Variants in GLIS3 observed in about 807,000 individuals in gnomAD.
The protein encoded by GLIS3 is zinc finger protein GLIS3.
Under a neutral mutation model 78.6 loss-of-function variants are expected in GLIS3, and 53 were observed. The ratio of observed to expected loss-of-function variants is 0.67; its 90% CI spans 0.54 to 0.85. The LOEUF (loss-of-function observed/expected upper bound fraction) is 0.85. Among genes scored for constraint, GLIS3 ranks in the 40% least tolerant of loss-of-function variants. The pLI is 0.00. For missense variants in GLIS3, 1,703 were observed against 1,231.1 expected (o/e 1.38, Z -5.74); for synonymous variants, 684 against 509.9 (o/e 1.34, Z -4.60).
intron 2 of GLIS3, among the ~76,000 whole-genome samples, chr9:4,249,353 G>C (rs994241739): frequency 6.6e-6 from 1 of 152,100 alleles, no homozygotes; most frequent in Non-Finnish European, 1.5e-5. Context: ...TTCTAAGTTG[G>C]ATTCCTAGGT....
intron 6 of GLIS3, among the ~76,000 whole-genome samples, chr9:3,917,688 C>T (rs1436935667): frequency 6.6e-6 from 1 of 151,838 alleles, no homozygotes; most frequent in Non-Finnish European, 1.5e-5. Flanking sequence ...TTCCCCAGGG[C>T]CCCACTGAAA....
the GLIS3 span, among the ~76,000 whole-genome samples, chr9:4,383,220 T>C: frequency 1.3e-4 from 20 of 152,210 alleles, no homozygotes; most frequent in Non-Finnish European, 2.5e-4. Context: ...TAACATTCTG[T>C]AGAACAAGTT....
chr9:4,238,374 C>G lies in GLIS3; in HGVS notation c.388+47664G>C, dbSNP rs938542857. Among the ~76,000 whole-genome samples, 60 of 152,136 alleles carry G rather than the reference C, an allele frequency of 3.9e-4. 1 individual carries two copies. Among genetic ancestry groups the G allele is most frequent in the African/African-American group, 1.4e-3 (59 of 41,420 alleles). On this transcript the variant is annotated intron_variant, in intron 2 of 10. Coordinates refer to ENST00000381971, the MANE Select transcript of GLIS3 (RefSeq NM_001042413.2). Reference sequence around the variant, plus strand: ...GGAAGAATATGACCGTGAATATACTCCATTCTATTTGAGAATGAGAGAGTC... The same window carrying G: ...GGAAGAATATGACCGTGAATATACTGCATTCTATTTGAGAATGAGAGAGTC...
the GLIS3 span, among the ~76,000 whole-genome samples, chr9:4,476,213 T>G: frequency 2.6e-5 from 4 of 152,244 alleles, no homozygotes; most frequent in Non-Finnish European, 5.9e-5. Flanking sequence ...ATCATAGCTG[T>G]ATATCAAATT....
At chr9:3,837,896 G>A (rs1718249019) in intron 9 of GLIS3, among the ~76,000 whole-genome samples, 1 of 151,660 alleles carries the variant, frequency 6.6e-6, no homozygotes, top group South Asian at 2.1e-4. Context: ...ATCAGCTGTG[G>A]ACTTTGAGTG....
intron 4 of GLIS3, among the ~76,000 whole-genome samples, chr9:4,098,134 A>G (rs1395547767): frequency 6.6e-6 from 1 of 152,228 alleles, no homozygotes; most frequent in African/African-American, 2.4e-5. Context: ...AAATAAAAAC[A>G]AATTCCCATC....
chr9:4,411,404 G>C, the GLIS3 span, among the ~76,000 whole-genome samples: 1 of 152,114 alleles, frequency 6.6e-6, no homozygotes, highest in Non-Finnish European at 1.5e-5. Context: ...TGGGTTATGA[G>C]GTCGTGATAC....
intron 2 of GLIS3, among the ~76,000 whole-genome samples, chr9:4,337,896 T>C (rs1207847900): frequency 2.0e-5 from 3 of 151,890 alleles, no homozygotes; most frequent in African/African-American, 7.2e-5. Context: ...GAAACTGGGG[T>C]TCAAAGAGAT....
the GLIS3 span, among the ~76,000 whole-genome samples, chr9:4,353,597 A>G: frequency 2.0e-5 from 3 of 152,172 alleles, no homozygotes; most frequent in Non-Finnish European, 4.4e-5. Flanking sequence ...ACTGAAGAGT[A>G]TCTCTCAGCG....
intron 2 of GLIS3, among the ~76,000 whole-genome samples, chr9:4,342,394 T>C (rs769285656): frequency 2.0e-5 from 3 of 152,146 alleles, no homozygotes; most frequent in Non-Finnish European, 2.9e-5. Flanking sequence ...TTGTCAAAGG[T>C]TGGGTGATTG....
At chr9:4,420,583 C>T in the GLIS3 span, among the ~76,000 whole-genome samples, 1 of 152,150 alleles carries the variant, frequency 6.6e-6, no homozygotes, top group African/African-American at 2.4e-5. Flanking sequence ...CTTGTTTTCT[C>T]TCCCTAATGT....
intron 2 of GLIS3, among the ~76,000 whole-genome samples, chr9:4,324,345 T>C (rs1403220606): frequency 6.6e-6 from 1 of 152,208 alleles, no homozygotes; most frequent in Non-Finnish European, 1.5e-5. Flanking sequence ...TTATTTTCAA[T>C]GTCATCTTAG....
At chr9:4,419,017 G>A in the GLIS3 span, among the ~76,000 whole-genome samples, 3 of 152,138 alleles carry the variant, frequency 2.0e-5, no homozygotes, top group African/African-American at 7.2e-5. Flanking sequence ...ATATGACACA[G>A]GCCTTGCAAT....
chr9:4,132,309 C>G (rs1241495111), intron 2 of GLIS3, among the ~76,000 whole-genome samples: 1 of 152,146 alleles, frequency 6.6e-6, no homozygotes, highest in African/African-American at 2.4e-5. Flanking sequence ...GGAATGCAAA[C>G]GTTTTGCATT....
intron 4 of GLIS3, among the ~76,000 whole-genome samples, chr9:4,114,623 C>A (rs1831489683): frequency 6.6e-6 from 1 of 152,142 alleles, no homozygotes; most frequent in Non-Finnish European, 1.5e-5. Context: ...TAATAGATAG[C>A]AGTGAATGGA....
chr9:3,909,845 G>A (rs978936347), intron 6 of GLIS3, among the ~76,000 whole-genome samples: 1 of 152,186 alleles, frequency 6.6e-6, no homozygotes, highest in Admixed American at 6.5e-5. Context: ...GAAAGGTTCT[G>A]CACTGCACTA....
chr9:4,238,958 G>A (rs1446997663), intron 2 of GLIS3, among the ~76,000 whole-genome samples: 3 of 151,990 alleles, frequency 2.0e-5, no homozygotes, highest in African/African-American at 7.3e-5. Flanking sequence ...TGTCCCTGCA[G>A]TAGTTTGCTG....
At chr9:4,434,886 G>C in the GLIS3 span, among the ~76,000 whole-genome samples, 1 of 152,218 alleles carries the variant, frequency 6.6e-6, no homozygotes, top group Non-Finnish European at 1.5e-5. Context: ...GGGTGCTAGA[G>C]AGAGAAATTC....
chr9:3,839,254 A>G (rs572435202), intron 9 of GLIS3, among the ~76,000 whole-genome samples: 1 of 152,282 alleles, frequency 6.6e-6, no homozygotes, highest in African/African-American at 2.4e-5. Flanking sequence ...AATTCATCCA[A>G]CCATTCTAAT....
Sources: allele counts gnomAD v4.1 joint callset (sites outside exome capture counted in the v4.1 genomes callset), GRCh38; gene constraint gnomAD v4.1.1; transcripts MANE v1.5; gene names NCBI Gene and HGNC (gene_info 2026-07-23, HGNC 2026-07-21).